Variants in MST1R observed in about 807,000 individuals in gnomAD.
MST1R encodes the protein macrophage stimulating 1 receptor, also known as macrophage-stimulating protein receptor.
MST1R carries 99 observed loss-of-function variants against 117.8 expected under a neutral mutation model. That is an observed-to-expected ratio of 0.84 (90% CI 0.71 to 0.99). MST1R has a LOEUF of 0.99. Among genes scored for constraint, MST1R ranks in the 50% least tolerant of loss-of-function variants. The probability of loss-of-function intolerance (pLI) is 0.00; values close to 1 mark genes in which losing one functional copy is unlikely to be tolerated. For synonymous variants in MST1R, 734 were observed against 765.3 expected (o/e 0.96, Z 0.68); for missense variants, 1,683 against 1,840.2 (o/e 0.91, Z 1.56).
At chr3:49,888,692 G>T (rs903148340) in intron 19 of MST1R, among the ~76,000 whole-genome samples, 1 of 152,094 alleles carries the variant, frequency 6.6e-6, no homozygotes, top group African/African-American at 2.4e-5. Context: ...AGGTTTACCT[G>T]CTGGGTCCTA....
In MST1R at chr3:49,898,064, T is replaced by C. The variant is rs752436645; in HGVS notation, c.1867A>G (p.Ser623Gly). The change falls in exon 5 of 20, where the codon AGC becomes GGC. Residue 623 changes from serine to glycine, a missense_variant. Ser to Gly is a moderately conservative substitution (Grantham distance 56, BLOSUM62 0). Transcript: ENST00000296474. ...ACCAGATTGTACCTGAGTTTTGAGCTGTCCTTGGGCAGTGGCCGGCAGGGA... is the reference window on the plus strand; with the variant it reads ...ACCAGATTGTACCTGAGTTTTGAGCCGTCCTTGGGCAGTGGCCGGCAGGGA... ...QSPCRPLPKD[S>G]SKLRPVPRKD... 2 of 1,614,026 alleles carry C rather than the reference T, an allele frequency of 1.2e-6. No homozygotes were observed. The highest frequency in any genetic ancestry group is 2.7e-5 in the African/African-American group (2 of 74,944).
chr3:49,902,544 C>T lies in MST1R; in HGVS notation c.1066G>A (p.Gly356Ser). Reference sequence around the variant, plus strand: ...GAGTTGGGGCCCACGCCAGGACCACCATCCTTGCCAGTCACAAAGACCCCA... The same window carrying T: ...GAGTTGGGGCCCACGCCAGGACCACTATCCTTGCCAGTCACAAAGACCCCA... ...LFGVFVTGKD[G>S]GPGVGPNSVV... The change falls in exon 1 of 20, where the codon GGT becomes AGT. Residue 356 changes from glycine (G) to serine (S), a missense_variant. Coordinates refer to ENST00000296474, the MANE Select transcript of MST1R (RefSeq NM_002447.4). 1.9e-6 allele frequency: 3 copies of T among 1,614,054 alleles called. No individual in the cohort carries two copies. The highest frequency in any genetic ancestry group is 1.7e-6 in the Non-Finnish European group (2 of 1,180,044).
chr3:49,895,794 GA>G lies in MST1R; in HGVS notation c.2882del (p.Ile961ThrfsTer27). The G allele has an allele frequency of 6.2e-7, 1 of 1,613,954 alleles. No homozygotes were observed. Among genetic ancestry groups the G allele is most frequent in the Non-Finnish European group, 8.5e-7 (1 of 1,180,006 alleles). ...DGVPQSTLLGILLPLLLLVAA... is the reference protein window; with the variant it reads ...DGVPQSTLLGXLLPLLLLVAA... ...CCACAAGCAGCAGCAAAGGCAGCAG[GA>G]TACCAAGGAGCGTGCTCTGTGGGAC... On this transcript the variant is annotated frameshift_variant, in exon 12 of 20. Transcript: ENST00000296474. LOFTEE classifies it high-confidence loss of function.
intron 1 of MST1R, among the ~76,000 whole-genome samples, chr3:49,901,295 G>A (rs2082668141): frequency 6.6e-6 from 1 of 152,216 alleles, no homozygotes. Flanking sequence ...TTTCGAGAAT[G>A]TCACAGCAGG....
chr3:49,902,964 C>T lies in MST1R; in HGVS notation c.646G>A (p.Val216Met). The part of the protein sequence containing the change: ...AVAASFSPRS[V>M]SIRRLKADAS... ...TCAGCCTTGAGACGCCTGATAGACA[C>T]TGAGCGTGGGCTGAAGCTGGCAGCC... is the stretch of plus-strand genomic sequence containing the variant. The change falls in exon 1 of 20, where the codon GTG becomes ATG. Residue 216 changes from valine to methionine, a missense_variant. Transcript: ENST00000296474. 4 of 1,613,194 alleles carry T rather than the reference C, an allele frequency of 2.5e-6. No homozygotes were observed. Among genetic ancestry groups the T allele is most frequent in the Non-Finnish European group, 3.4e-6 (4 of 1,179,980 alleles).
Position 49,890,748 on chromosome 3 carries a change from C to T in MST1R, c.3645-98G>A, listed in dbSNP as rs1011951953. On this transcript the variant is annotated intron_variant, in intron 17 of 19. Coordinates refer to ENST00000296474, the MANE Select transcript of MST1R (RefSeq NM_002447.4). ...TACAGAATTTTTTTTTTTTTTGAGA[C>T]GGAGTCTCGCTCTGTCACCCAGGCT... The T allele has an allele frequency of 8.1e-5, 93 of 1,154,904 alleles. 1 individual carries two copies. Among genetic ancestry groups the T allele is most frequent in the South Asian group, 1.0e-4 (6 of 58,798 alleles). The allele number at this position is 1,154,904 out of a possible 1,614,324, so 71.5% of individuals were successfully genotyped here.
At position 49,898,504 on chromosome 3, in the gene MST1R, C is replaced by A; in HGVS notation, c.1719+14G>T. ...TGTCCCACTCTTACCTGTGCCCTGC[C>A]AGGGAAGCCATACCTCAGTAAGCTT... On this transcript the variant is annotated intron_variant, in intron 4 of 19. Transcript: ENST00000296474. The A allele has an allele frequency of 6.2e-7, 1 of 1,611,882 alleles. No individual in the cohort carries two copies.
chr3:49,893,756 G>A (rs1459159525), intron 14 of MST1R, among the ~76,000 whole-genome samples: 3 of 145,790 alleles, frequency 2.1e-5, no homozygotes, highest in Non-Finnish European at 3.0e-5. Context: ...AAAATTAGCC[G>A]GGCACGGTGG....
chr3:49,902,528 C>A lies in MST1R; in HGVS notation c.1082G>T (p.Gly361Val), dbSNP rs1405494753. The change falls in exon 1 of 20, where the codon GGC becomes GTC. Residue 361 changes from glycine to valine, a missense_variant. By Grantham distance (109) the Gly-to-Val change is moderately radical. Coordinates refer to ENST00000296474, the MANE Select transcript of MST1R (RefSeq NM_002447.4). ...GAAGGCACAGACGACAGAGTTGGGG[C>A]CCACGCCAGGACCACCATCCTTGCC... ...VTGKDGGPGV[G>V]PNSVVCAFPI... 6.2e-7 allele frequency: 1 copy of A among 1,614,094 alleles called. No individual in the cohort carries two copies. Among genetic ancestry groups the A allele is most frequent in the Non-Finnish European group, 8.5e-7 (1 of 1,180,046 alleles).
chr3:49,899,599 G>A (rs1269733762), intron 1 of MST1R: 8 of 245,862 alleles, frequency 3.3e-5, no homozygotes, highest in African/African-American at 9.0e-5. Flanking sequence ...TTTTTGAGAC[G>A]GAGTCTCACA....
In MST1R at chr3:49,893,716, G is replaced by A. The variant is rs1305718657; in HGVS notation, c.3271+1451C>T. Among the ~76,000 whole-genome samples the A allele has an allele frequency of 4.7e-5, 7 of 149,792 alleles. No homozygotes were observed. The East Asian group carries it at 5.9e-4, about 13-fold the overall frequency. On this transcript the variant is annotated intron_variant, in intron 14 of 19. Coordinates refer to ENST00000296474, the MANE Select transcript of MST1R (RefSeq NM_002447.4). ...AGATCGAGACCATCCTGGCTAACAC[G>A]GTGAAACCCCATCTCTACTAAAAAT... is the stretch of plus-strand genomic sequence containing the variant.
chr3:49,887,203 G>A lies in MST1R; in HGVS notation c.*104C>T, dbSNP rs2082188689. The stretch of plus-strand genomic sequence containing the variant: ...TTACCTATTGCCTCTGAAAGTTAAA[G>A]GGCAGGAACAAGGTGGAGGGCCACT... On this transcript the variant is annotated 3_prime_UTR_variant, in exon 20 of 20. Coordinates refer to ENST00000296474, the MANE Select transcript of MST1R (RefSeq NM_002447.4). The A allele has an allele frequency of 1.3e-6, 2 of 1,496,270 alleles. No individual in the cohort carries two copies. Among genetic ancestry groups the A allele is most frequent in the African/African-American group, 2.8e-5 (2 of 71,926 alleles). The allele number at this position is 1,496,270 out of a possible 1,614,324, so 92.7% of individuals were successfully genotyped here.
rs78797739 is a variant in MST1R at position 49,898,545 on chromosome 3, C to T, written c.1692G>A (p.Gln564=). The stretch of plus-strand genomic sequence containing the variant: ...CAGTAAGCTTAGGTGGGCAGTGGTC[C>T]TGTTGCCAGGAGCCAGGACACTCCT... ...QQKECPGSWQ[Q]DHCPPKLTEF... The change falls in exon 4 of 20, where the codon CAG becomes CAA. Residue 564 remains glutamine, a synonymous_variant. Transcript: ENST00000296474. 7.2e-5 allele frequency: 116 copies of T among 1,613,914 alleles called. No individual in the cohort carries two copies. In the African/African-American group the frequency reaches 1.4e-3, roughly 19 times the overall value.
At chr3:49,891,638 G>C (rs1265397889) in intron 15 of MST1R, 58 bp from the exon 16 acceptor site, 11 of 1,609,606 alleles carry the variant, frequency 6.8e-6, no homozygotes, top group South Asian at 2.2e-5. Flanking sequence ...GGCTCAGATG[G>C]GGAAATGGGA....
Position 49,891,413 on chromosome 3 carries a change from G to A in MST1R, c.3520C>T (p.Arg1174Cys), listed in dbSNP as rs371791811. The A allele has an allele frequency of 1.7e-5, 27 of 1,613,866 alleles. No homozygotes were observed. Among genetic ancestry groups the A allele is most frequent in the Middle Eastern group, 1.6e-4 (1 of 6,084 alleles). Residue 1174 changes from arginine (R) to cysteine (C), a missense_variant, in exon 16 of 20, where the codon CGC becomes TGC. Physicochemically the swap from Arg to Cys is radical, Grantham distance 180. Transcript: ENST00000296474. Reference sequence around the variant, plus strand: ...TGAACACTGACCCGCTGAGGTGAGCGGATGAACTGGAGCAGGTCACCGTGG... The same window carrying A: ...TGAACACTGACCCGCTGAGGTGAGCAGATGAACTGGAGCAGGTCACCGTGG... ...MCHGDLLQFIRSPQRNPTVKD... is the reference protein window; with the variant it reads ...MCHGDLLQFICSPQRNPTVKD...
chr3:49,887,049 G>A lies in MST1R; in HGVS notation c.*258C>T, dbSNP rs1327121178. The A allele has an allele frequency of 3.5e-6, 2 of 579,384 alleles. No homozygotes were observed. Among genetic ancestry groups the A allele is most frequent in the Admixed American group, 6.3e-5 (2 of 31,678 alleles). 35.9% of individuals were successfully genotyped at this position (579,384 alleles called of 1,614,324 possible). A position where few individuals can be genotyped will look rare whatever the true frequency, so the allele number is the denominator to read the frequency against. On this transcript the variant is annotated 3_prime_UTR_variant, in exon 20 of 20. Coordinates refer to ENST00000296474, the MANE Select transcript of MST1R (RefSeq NM_002447.4). ...TTCCTTTATTGGTTCAAGGGTCAGT[G>A]TTGGTGTGGTCACTGCTGAGTCCAC...
chr3:49,898,136 A>T lies in MST1R; in HGVS notation c.1795T>A (p.Ser599Thr), dbSNP rs767395512. ...TGGGTTCCCTCAGGCACCAGACCAG[A>T]AGGGTGAAGGTAGAAGTTGGAGCCA... Reference protein sequence around the residue: ...LCGSNFYLHPSGLVPEGTHQV... With the variant: ...LCGSNFYLHPTGLVPEGTHQV... Residue 599 changes from serine (S) to threonine (T), a missense_variant, in exon 5 of 20, where the codon TCT becomes ACT. Physicochemically the swap from Ser to Thr is moderately conservative, Grantham distance 58. Transcript: ENST00000296474. The T allele has an allele frequency of 1.5e-5, 25 of 1,613,898 alleles. No homozygotes were observed. The highest frequency in any genetic ancestry group is 2.0e-5 in the Non-Finnish European group (24 of 1,180,010).
intron 14 of MST1R, among the ~76,000 whole-genome samples, chr3:49,892,681 A>T (rs2082348550): frequency 2.0e-5 from 3 of 151,964 alleles, no homozygotes; most frequent in African/African-American, 7.2e-5. Context: ...AAAAAAAAAA[A>T]AAAGGCTCAT....
intron 1 of MST1R, among the ~76,000 whole-genome samples, chr3:49,900,156 T>C (rs539742638): frequency 6.6e-6 from 1 of 152,210 alleles, no homozygotes; most frequent in African/African-American, 2.4e-5. Flanking sequence ...AAGGTCTGCC[T>C]GTACTCCTGG....
Sources: gnomAD v4.1 joint callset for allele counts (sites outside exome capture counted in the v4.1 genomes callset) on GRCh38, gnomAD v4.1.1 for gene constraint, MANE v1.5 for transcripts, NCBI Gene and HGNC (gene_info 2026-07-23, HGNC 2026-07-21) for gene names.